Variants in LIN7B observed in about 807,000 individuals in gnomAD.
LIN7B encodes protein lin-7 homolog B.
In LIN7B, 16 loss-of-function variants were observed where a neutral mutation model predicts 27.9. The observed-to-expected ratio is 0.57, with a 90% CI of 0.39 to 0.87. The LOEUF (loss-of-function observed/expected upper bound fraction) is 0.87, where lower values mean the gene tolerates loss of function less well. Among genes scored for constraint, LIN7B ranks in the 40% least tolerant of loss-of-function variants. LIN7B has a pLI of 0.00. For synonymous variants in LIN7B, 147 were observed against 120.8 expected, an observed-to-expected ratio of 1.22 and a Z score of -1.42; for missense variants, 291 against 288.5, an observed-to-expected ratio of 1.01 and a Z score of -0.06.
intron 4 of LIN7B, among the ~76,000 whole-genome samples, chr19:49,116,883 G>A (rs1230156250): frequency 6.6e-6 from 1 of 152,116 alleles, no homozygotes; most frequent in Non-Finnish European, 1.5e-5. Flanking sequence ...ATACTGACTT[G>A]GCATACCTCT....
At chr19:49,118,325 C>T (rs923688807) in intron 5 of LIN7B, 27 bp from the exon 6 acceptor site, 5 of 1,613,892 alleles carry the variant, frequency 3.1e-6, no homozygotes, top group African/African-American at 2.7e-5. Flanking sequence ...TCCCTGATCC[C>T]GGGTCCCTTG....
rs573181336 is a variant in LIN7B, at chr19:49,117,073, C to T, written c.438+601C>T. Among the ~76,000 whole-genome samples the T allele has an allele frequency of 2.6e-5, 4 of 151,870 alleles. No individual in the cohort carries two copies. The East Asian group carries it at 5.8e-4, about 22-fold the overall frequency. On this transcript the variant is annotated intron_variant, in intron 4 of 5. Coordinates refer to ENST00000221459, the MANE Select transcript of LIN7B (RefSeq NM_022165.3). The stretch of plus-strand genomic sequence containing the variant: ...CCAGCCTGGCCAACATGGTGAAATC[C>T]CATCTCTACTAAAAATACAAAAATT...
intron 5 of LIN7B, 75 bp downstream of exon 5, chr19:49,118,093 T>C (rs1224943080): frequency 8.2e-6 from 13 of 1,582,312 alleles, no homozygotes; most frequent in Non-Finnish European, 1.1e-5. Flanking sequence ...ACCAGGCCAG[T>C]GCTTCCTGGA....
At chr19:49,117,016 C>T (rs894349211) in intron 4 of LIN7B, among the ~76,000 whole-genome samples, 1 of 152,044 alleles carries the variant, frequency 6.6e-6, no homozygotes, top group Non-Finnish European at 1.5e-5. Flanking sequence ...GAGGCTGAGG[C>T]ACGTGGATCA....
At chr19:49,118,205 T>C in intron 5 of LIN7B, 147 bp from the exon 6 acceptor site, 2 of 1,312,676 alleles carry the variant, frequency 1.5e-6, no homozygotes, top group South Asian at 1.3e-5. Context: ...AGCCCTTAGC[T>C]TCCTTCCATC....
rs1411957759 is a variant in LIN7B at position 49,114,856 on chromosome 19, C to G, written c.45C>G (p.Ser15=). 3 of 1,459,218 alleles carry G rather than the reference C, an allele frequency of 2.1e-6. No homozygotes were observed. The highest frequency in any genetic ancestry group is 2.7e-6 in the Non-Finnish European group (3 of 1,109,858). 90.4% of individuals were successfully genotyped at this position (1,459,218 alleles called of 1,614,324 possible). ...VEPLGLERDV[S]RAVELLERLQ... ...CCCGCCCCCGCCCCGCAGACGTGTC[C>G]CGGGCGGTTGAGCTCCTCGAGCGGC... The change falls in exon 2 of 6, where the codon TCC becomes TCG. Residue 15 remains serine, a synonymous_variant. Transcript: ENST00000221459.
rs755038559 is a variant in LIN7B at position 49,117,991 on chromosome 19, G to T, written c.575G>T (p.Arg192Leu). 1.9e-6 allele frequency: 3 copies of T among 1,613,900 alleles called. No homozygotes were observed. The highest frequency in any genetic ancestry group is 2.5e-6 in the Non-Finnish European group (3 of 1,179,974). ...EARFEKMRSA[R>L]RRQQHQSYSS... ...CGGTTCGAGAAGATGCGCTCTGCCCGCCGGCGCCAACAGCATCAGAGCTAC... is the reference window on the plus strand; with the variant it reads ...CGGTTCGAGAAGATGCGCTCTGCCCTCCGGCGCCAACAGCATCAGAGCTAC... Residue 192 changes from arginine to leucine, a missense_variant, in exon 5 of 6, where the codon CGC becomes CTC. Transcript: ENST00000221459.
chr19:49,118,347 T>C lies in LIN7B; in HGVS notation c.603-5T>C, dbSNP rs368018926. ...TCCCGGGTCCCTTGTCCACCCCCCTTGCAGGTCCTTGGAGTCTCGAGGTTG... is the reference window on the plus strand; with the variant it reads ...TCCCGGGTCCCTTGTCCACCCCCCTCGCAGGTCCTTGGAGTCTCGAGGTTG... On this transcript the variant is annotated splice_region_variant and splice_polypyrimidine_tract_variant and intron_variant, in intron 5 of 5. Coordinates refer to ENST00000221459, the MANE Select transcript of LIN7B (RefSeq NM_022165.3). 1 of 1,614,132 alleles carries C rather than the reference T, an allele frequency of 6.2e-7. No individual in the cohort carries two copies.
Position 49,114,862 on chromosome 19 carries a change from G to A in LIN7B, c.51G>A (p.Ala17=), listed in dbSNP as rs1464492358. ...PLGLERDVSR[A]VELLERLQRS... ...CCCGCCCCGCAGACGTGTCCCGGGC[G>A]GTTGAGCTCCTCGAGCGGCTCCAGC... Residue 17 remains alanine, a synonymous_variant, in exon 2 of 6, where the codon GCG becomes GCA. Coordinates refer to ENST00000221459, the MANE Select transcript of LIN7B (RefSeq NM_022165.3). The A allele has an allele frequency of 2.7e-6, 4 of 1,463,402 alleles. No homozygotes were observed. In the East Asian group the frequency reaches 1.1e-4, roughly 41 times the overall value. 90.7% of individuals were successfully genotyped at this position (1,463,402 alleles called of 1,614,324 possible). A position where few individuals can be genotyped will look rare whatever the true frequency, so the allele number is the denominator to read the frequency against.
chr19:49,116,404 C>G lies in LIN7B; in HGVS notation c.370C>G (p.Pro124Ala), dbSNP rs753548631. The G allele has an allele frequency of 6.2e-7, 1 of 1,614,210 alleles. No individual in the cohort carries two copies. Among genetic ancestry groups the G allele is most frequent in the Admixed American group, 1.7e-5 (1 of 60,024 alleles). ...GCCCATCTACATCTCCCGGGTCATC[C>G]CAGGGGGTGTGGCTGACCGCCATGG... is the stretch of plus-strand genomic sequence containing the variant. ...NSPIYISRVI[P>A]GGVADRHGGL... Residue 124 changes from proline (P) to alanine (A), a missense_variant, in exon 4 of 6, where the codon CCA (proline) becomes GCA (alanine). Pro to Ala is a conservative substitution (Grantham distance 27, BLOSUM62 -1). Coordinates refer to ENST00000221459, the MANE Select transcript of LIN7B (RefSeq NM_022165.3).
intron 1 of LIN7B, 177 bp from the exon 2 acceptor site, chr19:49,114,672 G>C (rs964946374): frequency 4.5e-6 from 2 of 448,294 alleles, no homozygotes; most frequent in Admixed American, 8.8e-5. Flanking sequence ...TCCCGGGGCC[G>C]CAGGGCCGCT....
chr19:49,116,980 T>G (rs1025909850), intron 4 of LIN7B, among the ~76,000 whole-genome samples: 2 of 152,014 alleles, frequency 1.3e-5, no homozygotes, highest in Admixed American at 6.6e-5. Flanking sequence ...GTGCGGTGGC[T>G]CACACCTGTA....
intron 4 of LIN7B, 152 bp downstream of exon 4, chr19:49,116,624 C>T (rs1007058439): frequency 1.3e-5 from 9 of 719,252 alleles, no homozygotes; most frequent in African/African-American, 1.2e-4. Flanking sequence ...ATGTTGGCCT[C>T]AGCTCCCTAC....
chr19:49,118,098 C>T, intron 5 of LIN7B, 80 bp downstream of exon 5: 4 of 1,572,344 alleles, frequency 2.5e-6, no homozygotes, highest in Non-Finnish European at 3.5e-6. Context: ...GCCAGTGCTT[C>T]CTGGATCTTC....
Position 49,118,394 on chromosome 19 carries a change from A to C in LIN7B, c.*21A>C. ...GTTGAAACCACAGATCTGGACGTTCACGTGCACTCTCTTCCTGTACAGTAT... is the reference window on the plus strand; with the variant it reads ...GTTGAAACCACAGATCTGGACGTTCCCGTGCACTCTCTTCCTGTACAGTAT... On this transcript the variant is annotated 3_prime_UTR_variant, in exon 6 of 6. Coordinates refer to ENST00000221459, the MANE Select transcript of LIN7B (RefSeq NM_022165.3). 6.2e-7 allele frequency: 1 copy of C among 1,613,606 alleles called. No individual in the cohort carries two copies. Among genetic ancestry groups the C allele is most frequent in the Non-Finnish European group, 8.5e-7 (1 of 1,179,594 alleles).
At chr19:49,114,741 C>G (rs1211365211) in intron 1 of LIN7B, 108 bp from the exon 2 acceptor site, 1 of 590,882 alleles carries the variant, frequency 1.7e-6, no homozygotes, top group Non-Finnish European at 2.6e-6. Context: ...AGGCTTCGGC[C>G]GTCCTCCCCG....
At chr19:49,114,670 C>T (rs1297736229) in intron 1 of LIN7B, 179 bp from the exon 2 acceptor site, 4 of 445,872 alleles carry the variant, frequency 9.0e-6, no homozygotes, top group East Asian at 3.6e-5. Context: ...GGTCCCGGGG[C>T]CGCAGGGCCG....
chr19:49,118,434 A>G lies in LIN7B; in HGVS notation c.*61A>G, dbSNP rs1600312928. The G allele has an allele frequency of 5.6e-6, 9 of 1,599,506 alleles. No individual in the cohort carries two copies. The East Asian group carries it at 2.0e-4, about 36-fold the overall frequency. On this transcript the variant is annotated 3_prime_UTR_variant, in exon 6 of 6. Transcript: ENST00000221459. ...CTGTACAGTATTTATTGTTCCTGGC[A>G]CTTTATTTAAAGATATTTGACCCTC... is the stretch of plus-strand genomic sequence containing the variant.
rs28446007 is a variant in LIN7B at position 49,116,304 on chromosome 19, T to G, written c.270T>G (p.His90Gln). ...AAFTASEGHAHPRVVELPKTD... is the reference protein window; with the variant it reads ...AAFTASEGHAQPRVVELPKTD... ...TCACAGCCAGCGAGGGCCACGCACA[T>G]CCCAGGGTAGTGGAGCTACCCAAGA... The change falls in exon 4 of 6, where the codon CAT becomes CAG. Residue 90 changes from histidine to glutamine, a missense_variant. By Grantham distance (24) the His-to-Gln change is conservative. Coordinates refer to ENST00000221459, the MANE Select transcript of LIN7B (RefSeq NM_022165.3). The G allele has an allele frequency of 6.2e-7, 1 of 1,614,024 alleles. No homozygotes were observed. Among genetic ancestry groups the G allele is most frequent in the East Asian group, 2.2e-5 (1 of 44,878 alleles).
Sources: allele counts gnomAD v4.1 joint callset (sites outside exome capture counted in the v4.1 genomes callset), GRCh38; gene constraint gnomAD v4.1.1; transcripts MANE v1.5; gene names NCBI Gene and HGNC (gene_info 2026-07-23, HGNC 2026-07-21).